IQCM: variants seen among roughly 807,000 people sequenced by gnomAD.
IQCM encodes the protein IQ motif containing M, also known as IQ domain-containing protein M.
Under a neutral mutation model 57.6 loss-of-function variants are expected in IQCM, and 45 were observed. The ratio of observed to expected loss-of-function variants is 0.78; its 90% CI spans 0.62 to 1.00. The LOEUF (loss-of-function observed/expected upper bound fraction) is 1.00. Ranked by LOEUF, IQCM falls within the 50% of genes least tolerant of loss-of-function variation. IQCM has a pLI of 0.00. For synonymous variants in IQCM, 148 were observed against 158.9 expected (o/e 0.93, Z 0.51); for missense variants, 468 against 511.6 (o/e 0.91, Z 0.82).
At chr4:149,713,987 G>A (rs1007296068) in intron 5 of IQCM, among the ~76,000 whole-genome samples, 5 of 152,046 alleles carry the variant, frequency 3.3e-5, no homozygotes, top group African/African-American at 1.2e-4. Context: ...TAATTTCTGT[G>A]TTCTTCATAA....
chr4:149,703,705 T>C (rs145568898), intron 5 of IQCM, among the ~76,000 whole-genome samples: 19 of 152,074 alleles, frequency 1.2e-4, no homozygotes, highest in Non-Finnish European at 2.8e-4. Flanking sequence ...TTATACAGAA[T>C]AAGAATTTAT....
rs1157483881 is a variant in IQCM, at chr4:149,445,791, G to T, written c.1229-12234C>A. Among the ~76,000 whole-genome samples, 4 of 151,674 alleles carry T rather than the reference G, an allele frequency of 2.6e-5. No individual in the cohort carries two copies. The East Asian group carries it at 7.8e-4, about 29-fold the overall frequency. ...TAAAGGGACGTTTATGTTTCAAGCA[G>T]CATCAACATGTTTCATTTAAGATTG... On this transcript the variant is annotated intron_variant, in intron 12 of 13. Coordinates refer to ENST00000636793, the MANE Select transcript of IQCM (RefSeq NM_001363507.2).
chr4:149,365,382 T>A (rs1729760174), intron 13 of IQCM, among the ~76,000 whole-genome samples: 1 of 152,126 alleles, frequency 6.6e-6, no homozygotes, highest in South Asian at 2.1e-4. Flanking sequence ...TACATAACTA[T>A]TTACTAGTAT....
At chr4:149,457,608 G>C (rs956000005) in intron 12 of IQCM, among the ~76,000 whole-genome samples, 1 of 151,788 alleles carries the variant, frequency 6.6e-6, no homozygotes, top group African/African-American at 2.4e-5. Flanking sequence ...GAAAAAAAAA[G>C]ACTTATCAGA....
intron 5 of IQCM, among the ~76,000 whole-genome samples, chr4:149,697,236 C>G (rs1329261698): frequency 2.0e-5 from 3 of 152,028 alleles, no homozygotes; most frequent in Non-Finnish European, 4.4e-5. Context: ...CACAATGTTT[C>G]CCTTCAGGAC....
At chr4:149,766,442 TGTC>T (rs1770067676) in intron 2 of IQCM, among the ~76,000 whole-genome samples, 1 of 152,078 alleles carries the variant, frequency 6.6e-6, no homozygotes, top group African/African-American at 2.4e-5. Flanking sequence ...AATAGAGACT[TGTC>T]GTTTCAGGCT....
intron 3 of IQCM, among the ~76,000 whole-genome samples, chr4:149,736,685 A>G (rs1480459468): frequency 6.6e-6 from 1 of 152,204 alleles, no homozygotes; most frequent in Non-Finnish European, 1.5e-5. Flanking sequence ...AAGACTGATA[A>G]CACCAAGTGT....
At chr4:149,391,818 T>G (rs1426162272) in intron 13 of IQCM, among the ~76,000 whole-genome samples, 1 of 152,034 alleles carries the variant, frequency 6.6e-6, no homozygotes, top group African/African-American at 2.4e-5. Flanking sequence ...CTAATTTAAT[T>G]ACATTTTGGT....
At chr4:149,401,476 A>T (rs904323382) in intron 13 of IQCM, among the ~76,000 whole-genome samples, 4 of 151,728 alleles carry the variant, frequency 2.6e-5, no homozygotes, top group Admixed American at 2.6e-4. Context: ...GACCATAAAC[A>T]TTTAGTTAAG....
intron 7 of IQCM, among the ~76,000 whole-genome samples, chr4:149,648,029 T>C (rs965099396): frequency 6.6e-6 from 1 of 152,228 alleles, no homozygotes; most frequent in South Asian, 2.1e-4. Context: ...AATATGTTCA[T>C]TGACAATATA....
At position 149,682,168 on chromosome 4, in the gene IQCM, T is replaced by C; in HGVS notation, c.515A>G (p.His172Arg). The change falls in exon 7 of 14, where the codon CAT (histidine) becomes CGT (arginine). Residue 172 changes from histidine (H) to arginine (R), a missense_variant. By Grantham distance (29) the His-to-Arg change is conservative. Coordinates refer to ENST00000636793, the MANE Select transcript of IQCM (RefSeq NM_001363507.2). ...MLELLYPFPV[H>R]LYLQPGTSNL... ...AGAGGTCCCAGGTTGTAAGTAAAGA[T>C]GGACAGGAAAGGGATAGAGTAATTC... is the stretch of plus-strand genomic sequence containing the variant. 3 of 1,226,500 alleles carry C rather than the reference T, an allele frequency of 2.4e-6. No individual in the cohort carries two copies. The highest frequency in any genetic ancestry group is 3.1e-6 in the Non-Finnish European group (3 of 983,354). The allele number at this position is 1,226,500 out of a possible 1,614,324, so 76.0% of individuals were successfully genotyped here.
intron 5 of IQCM, among the ~76,000 whole-genome samples, chr4:149,724,264 G>C (rs915638530): frequency 2.0e-5 from 3 of 151,938 alleles, no homozygotes; most frequent in Non-Finnish European, 2.9e-5. Flanking sequence ...AAACATTGTT[G>C]ATCAAAAAAC....
chr4:149,443,862 T>A (rs1422970883), intron 12 of IQCM, among the ~76,000 whole-genome samples: 1 of 151,968 alleles, frequency 6.6e-6, no homozygotes, highest in Non-Finnish European at 1.5e-5. Context: ...TATTTTTAAC[T>A]ATTAATTTTT....
intron 12 of IQCM, among the ~76,000 whole-genome samples, chr4:149,479,744 A>C (rs1489270373): frequency 1.3e-5 from 2 of 152,192 alleles, no homozygotes; most frequent in African/African-American, 4.8e-5. Context: ...GATGGAGTGC[A>C]GAGTCTGAGC....
chr4:149,658,360 T>C (rs534070956), intron 7 of IQCM, among the ~76,000 whole-genome samples: 3 of 152,236 alleles, frequency 2.0e-5, no homozygotes, highest in East Asian at 3.9e-4. Flanking sequence ...CCTTGGTCTA[T>C]GTGTTTGGTT....
chr4:149,459,305 T>C (rs1360588578), intron 12 of IQCM, among the ~76,000 whole-genome samples: 1 of 152,258 alleles, frequency 6.6e-6, no homozygotes, highest in African/African-American at 2.4e-5. Context: ...ACTTCTGCCT[T>C]GCCAGTGCCT....
At chr4:149,398,533 C>G (rs1732391779) in intron 13 of IQCM, among the ~76,000 whole-genome samples, 1 of 151,952 alleles carries the variant, frequency 6.6e-6, no homozygotes, top group South Asian at 2.1e-4. Flanking sequence ...TGTCTTGTTT[C>G]TTTCATCAAT....
At chr4:149,768,453 T>G (rs969265478) in intron 2 of IQCM, among the ~76,000 whole-genome samples, 1 of 152,128 alleles carries the variant, frequency 6.6e-6, no homozygotes, top group Non-Finnish European at 1.5e-5. Context: ...ACAGTTAACA[T>G]AAAAAATTAA....
At chr4:149,394,507 G>GAA (rs1187162065) in intron 13 of IQCM, among the ~76,000 whole-genome samples, 4 of 151,902 alleles carry the variant, frequency 2.6e-5, no homozygotes, top group Admixed American at 2.6e-4. Flanking sequence ...CCTAATTTAT[G>GAA]TACCTCCTTA....
Sources: gnomAD v4.1 joint callset for allele counts (sites outside exome capture counted in the v4.1 genomes callset) on GRCh38, gnomAD v4.1.1 for gene constraint, MANE v1.5 for transcripts, NCBI Gene and HGNC (gene_info 2026-07-23, HGNC 2026-07-21) for gene names.